BORCS7: variants seen among roughly 807,000 people sequenced by gnomAD.
The protein encoded by BORCS7 is BLOC-1-related complex subunit 7.
In BORCS7, 20 loss-of-function variants were observed where a neutral mutation model predicts 17.5. The observed-to-expected ratio is 1.14, with a 90% confidence interval of 0.80 to 1.66. The LOEUF (loss-of-function observed/expected upper bound fraction) is 1.66. Ranked by LOEUF, BORCS7 falls within the 40% of genes most tolerant of loss-of-function variation. BORCS7 has a pLI of 0.00. For synonymous variants in BORCS7, 57 were observed against 49.8 expected (o/e 1.14, Z -0.61); for missense variants, 122 against 129.7 (o/e 0.94, Z 0.29).
chr10:102,862,843 G>A, intron 4 of BORCS7, 30 bp from the exon 5 acceptor site: 2 of 1,584,798 alleles, frequency 1.3e-6, no homozygotes, highest in Non-Finnish European at 1.7e-6. Flanking sequence ...GCTCATTTCA[G>A]ATAAACCCTG....
At chr10:102,854,477 C>T (rs991731426) in intron 1 of BORCS7, 50 bp downstream of exon 1, 1 of 1,505,012 alleles carries the variant, frequency 6.6e-7, no homozygotes, top group Non-Finnish European at 8.9e-7. Context: ...GAGTCGCAGT[C>T]TTTCGTTGCT....
rs778132309 is a variant in BORCS7 at position 102,858,164 on chromosome 10, CAAAAAA to C, written c.142-2160_142-2155del. Among the ~76,000 whole-genome samples, 543 of 111,334 alleles carry C rather than the reference CAAAAAA, an allele frequency of 4.9e-3. 5 individuals are homozygous for C. The highest frequency in any genetic ancestry group is 0.017 in the African/African-American group (494 of 29,358). The allele number at this position is 111,334 out of a possible 152,430, so 73.0% of individuals were successfully genotyped here. A position where few individuals can be genotyped will look rare whatever the true frequency, so the allele number is the denominator to read the frequency against. On this transcript the variant is annotated intron_variant, in intron 1 of 4. Coordinates refer to ENST00000339834, the MANE Select transcript of BORCS7 (RefSeq NM_001136200.2). ...TGGGTGACAGAGTGAGACCATGTCT[CAAAAAA>C]AAAAAAATATATATATATATAGAGA...
chr10:102,863,702 T>G lies in BORCS7; in HGVS notation c.*778T>G, dbSNP rs1401519769. On this transcript the variant is annotated 3_prime_UTR_variant, in exon 5 of 5. Coordinates refer to ENST00000339834, the MANE Select transcript of BORCS7 (RefSeq NM_001136200.2). Reference sequence around the variant, plus strand: ...ATGGTCATATAATGGTGATAAGTAATACCTGATTGTTTCCTTTTCTGTTCT... The same window carrying G: ...ATGGTCATATAATGGTGATAAGTAAGACCTGATTGTTTCCTTTTCTGTTCT... The G allele has an allele frequency of 6.6e-6, 1 of 152,248 alleles. No homozygotes were observed. The highest frequency in any genetic ancestry group is 1.5e-5 in the Non-Finnish European group (1 of 68,034). The allele number at this position is 152,248 out of a possible 1,614,324, so 9.4% of individuals were successfully genotyped here. A position where few individuals can be genotyped will look rare whatever the true frequency, so the allele number is the denominator to read the frequency against.
intron 2 of BORCS7, 43 bp from the exon 3 acceptor site, chr10:102,860,455 G>C: frequency 6.2e-7 from 1 of 1,610,280 alleles, no homozygotes; most frequent in Non-Finnish European, 8.5e-7. Context: ...TGTGGCCACA[G>C]GGAAGTGGAA....
In BORCS7 at chr10:102,863,196, G is replaced by A. The variant is rs10883788; in HGVS notation, c.*272G>A. 13,859 of 264,046 alleles carry A rather than the reference G, an allele frequency of 0.052. 513 individuals carry two copies. The highest frequency in any genetic ancestry group is 0.081 in the Middle Eastern group (67 of 830). The allele number at this position is 264,046 out of a possible 1,614,324, so 16.4% of individuals were successfully genotyped here. ...TAAAAATACAAAGAATTAGCTGGGC[G>A]TGGTGGCGGGCGCCTGTAATCCCAG... On this transcript the variant is annotated 3_prime_UTR_variant, in exon 5 of 5. Transcript: ENST00000339834.
chr10:102,862,302 C>T (rs1028191247), intron 4 of BORCS7, 122 bp downstream of exon 4: 3 of 857,224 alleles, frequency 3.5e-6, no homozygotes, highest in African/African-American at 1.7e-5. Context: ...TTGAAATATG[C>T]TCTGGGATAC....
chr10:102,864,425 C>A lies in BORCS7; in HGVS notation c.*1501C>A, dbSNP rs191692489. 6.6e-6 allele frequency: 1 copy of A among 152,036 alleles called. No individual in the cohort carries two copies. Among genetic ancestry groups the A allele is most frequent in the African/African-American group, 2.4e-5 (1 of 41,498 alleles). The allele number at this position is 152,036 out of a possible 1,614,324, so 9.4% of individuals were successfully genotyped here. A position where few individuals can be genotyped will look rare whatever the true frequency, so the allele number is the denominator to read the frequency against. On this transcript the variant is annotated 3_prime_UTR_variant, in exon 5 of 5. Coordinates refer to ENST00000339834, the MANE Select transcript of BORCS7 (RefSeq NM_001136200.2). ...GGACTCAATGTACCTTTGAAAAGAC[C>A]ACTAATTTAGAAAACAAAGCTAAGT...
intron 3 of BORCS7, 55 bp downstream of exon 3, chr10:102,860,596 C>A: frequency 6.4e-7 from 1 of 1,568,592 alleles, no homozygotes; most frequent in Non-Finnish European, 8.8e-7. Context: ...CCCTGGTCTG[C>A]TTTCATGGAC....
chr10:102,860,653 T>G (rs1590213141), intron 3 of BORCS7, 112 bp downstream of exon 3: 2 of 1,169,048 alleles, frequency 1.7e-6, no homozygotes, highest in East Asian at 2.4e-5. Context: ...GGAGTAAAGG[T>G]GGGGGTGGCC....
intron 1 of BORCS7, among the ~76,000 whole-genome samples, chr10:102,857,404 C>T (rs1844444777): frequency 6.6e-6 from 1 of 152,062 alleles, no homozygotes; most frequent in South Asian, 2.1e-4. Flanking sequence ...CACCATCTCC[C>T]ATCTATAGGA....
intron 1 of BORCS7, among the ~76,000 whole-genome samples, chr10:102,854,679 G>A (rs1410447102): frequency 2.0e-5 from 3 of 151,738 alleles, no homozygotes; most frequent in East Asian, 1.9e-4. Flanking sequence ...TTGGGAGGCC[G>A]AGGCGGGCGG....
In BORCS7 at chr10:102,854,433, C is replaced by A. The variant is rs553957031; in HGVS notation, c.141+6C>A. On this transcript the variant is annotated splice_donor_region_variant and intron_variant, in intron 1 of 4. Transcript: ENST00000339834. Reference sequence around the variant, plus strand: ...AAGGCTCCCGGAGCTCCGAGGTGAGCTGGAAGTGGACTCTCCCGGCCTGAT... The same window carrying A: ...AAGGCTCCCGGAGCTCCGAGGTGAGATGGAAGTGGACTCTCCCGGCCTGAT... The A allele has an allele frequency of 2.2e-4, 332 of 1,533,286 alleles. 2 individuals are homozygous for A. The Middle Eastern group carries it at 3.5e-3, about 16-fold the overall frequency. The allele number at this position is 1,533,286 out of a possible 1,614,324, so 95.0% of individuals were successfully genotyped here. A position where few individuals can be genotyped will look rare whatever the true frequency, so the allele number is the denominator to read the frequency against.
rs1394332692 is a variant in BORCS7, at chr10:102,857,578, CAT to C, written c.142-2751_142-2750del. ...CACAGTCCTGTGAGTCCATCCCAAA[CAT>C]ATGCTGGCAAAAAGATGCAAAGATA... On this transcript the variant is annotated intron_variant, in intron 1 of 4. Coordinates refer to ENST00000339834, the MANE Select transcript of BORCS7 (RefSeq NM_001136200.2). Among the ~76,000 whole-genome samples the C allele has an allele frequency of 2.0e-5, 3 of 152,154 alleles. No homozygotes were observed. The East Asian group carries it at 5.8e-4, about 29-fold the overall frequency.
At chr10:102,857,709 C>T (rs1255601178) in intron 1 of BORCS7, among the ~76,000 whole-genome samples, 3 of 152,138 alleles carry the variant, frequency 2.0e-5, no homozygotes, top group Admixed American at 6.5e-5. Flanking sequence ...CCTCCAAATC[C>T]GTCAGCAGAG....
chr10:102,855,823 C>G (rs940160482), intron 1 of BORCS7, among the ~76,000 whole-genome samples: 1 of 152,060 alleles, frequency 6.6e-6, no homozygotes, highest in Non-Finnish European at 1.5e-5. Context: ...TGCAGTGGCC[C>G]GATCTCGGGC....
Position 102,854,447 on chromosome 10 carries a change from T to G in BORCS7, c.141+20T>G, listed in dbSNP as rs375123320. The G allele has an allele frequency of 9.2e-6, 14 of 1,519,484 alleles. No individual in the cohort carries two copies. The highest frequency in any genetic ancestry group is 1.1e-5 in the Non-Finnish European group (12 of 1,124,824). 94.1% of individuals were successfully genotyped at this position (1,519,484 alleles called of 1,614,324 possible). A position where few individuals can be genotyped will look rare whatever the true frequency, so the allele number is the denominator to read the frequency against. On this transcript the variant is annotated intron_variant, in intron 1 of 4. Transcript: ENST00000339834. Reference sequence around the variant, plus strand: ...TCCGAGGTGAGCTGGAAGTGGACTCTCCCGGCCTGATAGTCCGGGGAGTCG... The same window carrying G: ...TCCGAGGTGAGCTGGAAGTGGACTCGCCCGGCCTGATAGTCCGGGGAGTCG...
chr10:102,859,900 G>C, intron 1 of BORCS7, among the ~76,000 whole-genome samples: 1 of 152,140 alleles, frequency 6.6e-6, no homozygotes, highest in Middle Eastern at 3.4e-3. Flanking sequence ...GTATTCCTCT[G>C]TCCTTTTCAG....
At chr10:102,857,629 C>T (rs1176637264) in intron 1 of BORCS7, among the ~76,000 whole-genome samples, 1 of 152,144 alleles carries the variant, frequency 6.6e-6, no homozygotes, top group Non-Finnish European at 1.5e-5. Context: ...ACAGTAAAAG[C>T]TATGAGATAA....
intron 4 of BORCS7, 98 bp from the exon 5 acceptor site, chr10:102,862,775 C>T (rs929264036): frequency 1.6e-5 from 16 of 1,008,324 alleles, no homozygotes; most frequent in Non-Finnish European, 2.4e-5. Context: ...TAGTGAGACC[C>T]TGTCTGTAAT....
Sources: allele counts gnomAD v4.1 joint callset (sites outside exome capture counted in the v4.1 genomes callset), GRCh38; gene constraint gnomAD v4.1.1; transcripts MANE v1.5; gene names NCBI Gene and HGNC (gene_info 2026-07-23, HGNC 2026-07-21).